The following GPC5 variants were observed in gnomAD, a reference collection of about 807,000 sequenced individuals.
The protein encoded by GPC5 is glypican 5, also known as glypican-5.
GPC5 carries 47 observed loss-of-function variants against 53.9 expected under a neutral mutation model. The ratio of observed to expected loss-of-function variants is 0.87; its 90% CI spans 0.69 to 1.11. GPC5 has a LOEUF of 1.11. Among genes scored for constraint, GPC5 ranks in the 50% most tolerant of loss-of-function variants. The probability of loss-of-function intolerance (pLI) is 0.00; values close to 1 mark genes in which losing one functional copy is unlikely to be tolerated. For missense variants in GPC5, 748 were observed against 713.1 expected (o/e 1.05, Z -0.56); for synonymous variants, 286 against 263.3 (o/e 1.09, Z -0.84).
chr13:92,610,428 C>T (rs1399240777), intron 7 of GPC5, among the ~76,000 whole-genome samples: 1 of 152,094 alleles, frequency 6.6e-6, no homozygotes, highest in Non-Finnish European at 1.5e-5. Flanking sequence ...GCGCTCCAGT[C>T]AGCTTTTAAA....
intron 5 of GPC5, among the ~76,000 whole-genome samples, chr13:91,896,409 G>A (rs569891836): frequency 7.2e-5 from 11 of 152,228 alleles, no homozygotes; most frequent in Non-Finnish European, 1.3e-4. Flanking sequence ...ATGAGCCACC[G>A]CACTGGCCCC....
At chr13:91,866,469 T>C (rs993323112) in intron 5 of GPC5, among the ~76,000 whole-genome samples, 1 of 152,066 alleles carries the variant, frequency 6.6e-6, no homozygotes, top group Non-Finnish European at 1.5e-5. Flanking sequence ...AATGGGTGAG[T>C]TCTCGCTCTA....
intron 2 of GPC5, among the ~76,000 whole-genome samples, chr13:91,499,888 T>A (rs1168848720): frequency 3.9e-5 from 6 of 152,256 alleles, no homozygotes; most frequent in Non-Finnish European, 8.8e-5. Context: ...TGTGCAATAT[T>A]TTTCAAGGGT....
chr13:92,436,350 C>T (rs1284012662), intron 7 of GPC5, among the ~76,000 whole-genome samples: 1 of 152,152 alleles, frequency 6.6e-6, no homozygotes, highest in Non-Finnish European at 1.5e-5. Flanking sequence ...CTTTGTCATT[C>T]ATATTATACT....
chr13:92,326,726 A>G (rs2043253963), intron 7 of GPC5, among the ~76,000 whole-genome samples: 2 of 152,166 alleles, frequency 1.3e-5, no homozygotes, highest in African/African-American at 4.8e-5. Flanking sequence ...TACTTGGTTA[A>G]GTCAAGTAAA....
intron 7 of GPC5, among the ~76,000 whole-genome samples, chr13:92,555,732 T>A (rs536444077): frequency 6.7e-6 from 1 of 149,742 alleles, no homozygotes; most frequent in East Asian, 2.0e-4. Flanking sequence ...TATATGAATA[T>A]ATAAATTTAT....
chr13:92,244,106 CTT>C (rs1252342393), intron 7 of GPC5, among the ~76,000 whole-genome samples: 1 of 152,134 alleles, frequency 6.6e-6, no homozygotes, highest in Non-Finnish European at 1.5e-5. Flanking sequence ...TCTTGGTACT[CTT>C]AACTTTCATA....
intron 1 of GPC5, among the ~76,000 whole-genome samples, chr13:91,432,203 C>CTGCTGCTGTGTGTGTGTG (rs1555306318): frequency 1.5e-4 from 21 of 136,450 alleles, no homozygotes; most frequent in African/African-American, 5.8e-4. Context: ...GCTGCTGCTG[C>CTGCTGCTGTGTGTGTGTG]TGTGTGTGTG....
At chr13:92,131,646 G>T (rs1471817792) in intron 6 of GPC5, among the ~76,000 whole-genome samples, 1 of 152,034 alleles carries the variant, frequency 6.6e-6, no homozygotes, top group Non-Finnish European at 1.5e-5. Flanking sequence ...TTAATGGAAT[G>T]AATCTATGTA....
At chr13:91,800,641 T>C (rs2038119463) in intron 5 of GPC5, among the ~76,000 whole-genome samples, 1 of 152,178 alleles carries the variant, frequency 6.6e-6, no homozygotes, top group South Asian at 2.1e-4. Context: ...CTTTTGTTAA[T>C]AGAGGTTTTT....
At chr13:92,788,343 T>C (rs1401575288) in intron 7 of GPC5, among the ~76,000 whole-genome samples, 1 of 152,162 alleles carries the variant, frequency 6.6e-6, no homozygotes, top group Non-Finnish European at 1.5e-5. Context: ...ATGTAGAGTG[T>C]ATATATTTTT....
chr13:91,744,002 T>G (rs2036993807), intron 4 of GPC5, among the ~76,000 whole-genome samples: 1 of 147,898 alleles, frequency 6.8e-6, no homozygotes, highest in Admixed American at 6.9e-5. Flanking sequence ...ATCTACTGGT[T>G]TCACCCTCTT....
chr13:91,928,665 C>T (rs1226685020), intron 6 of GPC5, among the ~76,000 whole-genome samples: 1 of 152,146 alleles, frequency 6.6e-6, no homozygotes, highest in Non-Finnish European at 1.5e-5. Context: ...CCTCTGTAAG[C>T]AGGCACGTAG....
rs191046852 is a variant in GPC5 at position 92,050,499 on chromosome 13, A to T, written c.1402-94331A>T. Among the ~76,000 whole-genome samples the T allele has an allele frequency of 3.6e-3, 544 of 152,284 alleles. 5 individuals are homozygous for T. The highest frequency in any genetic ancestry group is 0.012 in the African/African-American group (515 of 41,568). On this transcript the variant is annotated intron_variant, in intron 6 of 7. Coordinates refer to ENST00000377067, the MANE Select transcript of GPC5 (RefSeq NM_004466.6). ...GGAGAAATCTTGAATCTGAACATGC[A>T]AAAAGATGTTGAGATTTGTTTGAGA...
chr13:92,574,788 A>G (rs1052217606), intron 7 of GPC5, among the ~76,000 whole-genome samples: 8 of 152,178 alleles, frequency 5.3e-5, no homozygotes, highest in African/African-American at 1.7e-4. Context: ...ATCATAATAA[A>G]TCAAAGGACT....
chr13:92,222,021 G>A (rs1253257177), intron 7 of GPC5, among the ~76,000 whole-genome samples: 1 of 152,118 alleles, frequency 6.6e-6, no homozygotes, highest in Non-Finnish European at 1.5e-5. Context: ...TGAATGAGTT[G>A]GATTCTTGAC....
At chr13:92,663,406 T>C (rs1208470172) in intron 7 of GPC5, among the ~76,000 whole-genome samples, 1 of 151,648 alleles carries the variant, frequency 6.6e-6, no homozygotes. Flanking sequence ...AGATATTCTC[T>C]GAGTGTCGTA....
At chr13:91,767,818 C>T (rs2037553022) in intron 5 of GPC5, among the ~76,000 whole-genome samples, 1 of 152,104 alleles carries the variant, frequency 6.6e-6, no homozygotes, top group Non-Finnish European at 1.5e-5. Flanking sequence ...GACCTTTTCC[C>T]ATCTGTTTGG....
intron 2 of GPC5, among the ~76,000 whole-genome samples, chr13:91,674,436 T>C (rs996647678): frequency 5.3e-5 from 8 of 149,568 alleles, no homozygotes; most frequent in South Asian, 4.2e-4. Flanking sequence ...TATATACACA[T>C]ATATATATAC....
Sources: gnomAD v4.1 joint callset for allele counts (sites outside exome capture counted in the v4.1 genomes callset) on GRCh38, gnomAD v4.1.1 for gene constraint, MANE v1.5 for transcripts, NCBI Gene and HGNC (gene_info 2026-07-23, HGNC 2026-07-21) for gene names.